ROBO1: variants seen among roughly 807,000 people sequenced by gnomAD.
ROBO1 encodes the protein roundabout homolog 1.
A neutral mutation model predicts 195.9 loss-of-function variants in ROBO1; 149 were observed. The ratio of observed to expected loss-of-function variants is 0.76; its 90% CI spans 0.67 to 0.87. The LOEUF is 0.87. Among genes scored for constraint, ROBO1 ranks in the 40% least tolerant of loss-of-function variants. The probability of loss-of-function intolerance (pLI) is 0.00; values close to 1 mark genes in which losing one functional copy is unlikely to be tolerated. For missense variants in ROBO1, 1,933 were observed against 2,068.3 expected (o/e 0.93, Z 1.27); for synonymous variants, 816 against 733.2 (o/e 1.11, Z -1.82).
chr3:79,272,075 T>G (rs779567010), intron 2 of ROBO1, among the ~76,000 whole-genome samples: 3 of 152,038 alleles, frequency 2.0e-5, no homozygotes, highest in Non-Finnish European at 4.4e-5. Flanking sequence ...CTAAATCTAT[T>G]TTTAAAAGGT....
In ROBO1 at chr3:78,651,873, A is replaced by C; in HGVS notation, c.2671T>G (p.Ser891Ala). 2 of 1,613,754 alleles carry C rather than the reference A, an allele frequency of 1.2e-6. 1 individual carries two copies. The highest frequency in any genetic ancestry group is 2.2e-5 in the South Asian group (2 of 91,080). Residue 891 changes from serine to alanine, a missense_variant, in exon 19 of 31, where the codon TCA (serine) becomes GCA (alanine). Around this residue, in one of 3 missense-constraint regions of ROBO1, gnomAD observed 1,737 missense variants for 1,882.5 expected, o/e 0.92. Coordinates refer to ENST00000464233, the MANE Select transcript of ROBO1 (RefSeq NM_002941.4). ...EDQVSLAQQISDVVKQPAFIA... is the reference protein window; with the variant it reads ...EDQVSLAQQIADVVKQPAFIA... Reference sequence around the variant, plus strand: ...AAGGCCGGCTGCTTCACCACATCTGAAATCTGCTGAGCGAGGCTGACTTGG... The same window carrying C: ...AAGGCCGGCTGCTTCACCACATCTGCAATCTGCTGAGCGAGGCTGACTTGG...
At position 79,716,114 on chromosome 3, in the gene ROBO1, C is replaced by T. The variant is rs139271856; in HGVS notation, c.-51+51638G>A. 2.4e-3 allele frequency among the ~76,000 whole-genome samples: 367 copies of T among 151,856 alleles called. 2 individuals carry two copies. Among genetic ancestry groups the T allele is most frequent in the African/African-American group, 8.3e-3 (345 of 41,444 alleles). ...TGGTGTAGAAAAGCTGTAATAAAAC[C>T]AATCAATTTTTTAAGTGGTAAACTT... On this transcript the variant is annotated intron_variant, in intron 1 of 30. Coordinates refer to ENST00000464233, the MANE Select transcript of ROBO1 (RefSeq NM_002941.4).
intron 4 of ROBO1, among the ~76,000 whole-genome samples, chr3:78,811,076 CTAAGTAT>C (rs1467966002): frequency 6.6e-6 from 1 of 151,984 alleles, no homozygotes; most frequent in Non-Finnish European, 1.5e-5. Context: ...ACTGGAAATA[CTAAGTAT>C]TCATTTTTAA....
At chr3:79,096,804 CT>C (rs1192435323) in intron 3 of ROBO1, among the ~76,000 whole-genome samples, 1 of 150,970 alleles carries the variant, frequency 6.6e-6, no homozygotes, top group African/African-American at 2.4e-5. Context: ...AGGGAGCTGT[CT>C]TACCCTGGAG....
intron 2 of ROBO1, among the ~76,000 whole-genome samples, chr3:79,302,527 A>T (rs1242467339): frequency 1.3e-5 from 2 of 152,212 alleles, no homozygotes; most frequent in African/African-American, 4.8e-5. Flanking sequence ...TAGCCCTTTC[A>T]ATCAAATTGT....
intron 1 of ROBO1, among the ~76,000 whole-genome samples, chr3:79,684,687 A>G (rs550018440): frequency 1.6e-3 from 243 of 151,894 alleles, no homozygotes; most frequent in African/African-American, 5.6e-3. Flanking sequence ...GATGGTGATG[A>G]TGATTTGAGA....
intron 3 of ROBO1, among the ~76,000 whole-genome samples, chr3:78,959,374 G>C (rs2041223052): frequency 6.6e-6 from 1 of 152,052 alleles, no homozygotes; most frequent in South Asian, 2.1e-4. Flanking sequence ...TGAAAATACA[G>C]AAATAAATCC....
chr3:79,221,235 A>G (rs2082132355), intron 2 of ROBO1, among the ~76,000 whole-genome samples: 1 of 152,242 alleles, frequency 6.6e-6, no homozygotes, highest in African/African-American at 2.4e-5. Context: ...AAAGTAATAC[A>G]TGGCTTCAAC....
intron 2 of ROBO1, among the ~76,000 whole-genome samples, chr3:79,451,138 A>T (rs2039430400): frequency 6.6e-6 from 1 of 152,002 alleles, no homozygotes; most frequent in African/African-American, 2.4e-5. Context: ...CATTTGAAAA[A>T]TTGTAAGATG....
At chr3:79,236,277 C>G (rs1324243361) in intron 2 of ROBO1, among the ~76,000 whole-genome samples, 1 of 152,160 alleles carries the variant, frequency 6.6e-6, no homozygotes, top group African/African-American at 2.4e-5. Flanking sequence ...CTTGCCCCCT[C>G]TACTTGCTCT....
chr3:79,531,207 T>C (rs1174095376), intron 2 of ROBO1, among the ~76,000 whole-genome samples: 1 of 152,176 alleles, frequency 6.6e-6, no homozygotes, highest in East Asian at 1.9e-4. Flanking sequence ...TATTTATATG[T>C]CCTAAATTCC....
intron 4 of ROBO1, among the ~76,000 whole-genome samples, chr3:78,912,429 C>G (rs905149817): frequency 6.6e-6 from 1 of 152,196 alleles, no homozygotes; most frequent in South Asian, 2.1e-4. Context: ...CTTCCATACA[C>G]AATACAAGGC....
At chr3:78,695,195 C>T (rs570029611) in intron 8 of ROBO1, among the ~76,000 whole-genome samples, 2 of 152,012 alleles carry the variant, frequency 1.3e-5, no homozygotes, top group South Asian at 4.2e-4. Flanking sequence ...GTGCAGCACA[C>T]CATCATGGCA....
At chr3:79,704,662 T>C (rs928089297) in intron 1 of ROBO1, among the ~76,000 whole-genome samples, 1 of 152,076 alleles carries the variant, frequency 6.6e-6, no homozygotes, top group African/African-American at 2.4e-5. Flanking sequence ...TGCAGAATTT[T>C]GCATGAAAAT....
At chr3:79,534,148 C>CAAAAAAAAAAAA (rs5850434) in intron 2 of ROBO1, among the ~76,000 whole-genome samples, 11 of 59,966 alleles carry the variant, frequency 1.8e-4, no homozygotes, top group African/African-American at 6.9e-4. Context: ...CTGGGGAAGG[C>CAAAAAAAAAAAA]AAAAAAAAAA....
At chr3:78,963,744 C>G (rs892785952) in intron 3 of ROBO1, among the ~76,000 whole-genome samples, 7 of 151,954 alleles carry the variant, frequency 4.6e-5, no homozygotes, top group African/African-American at 1.7e-4. Flanking sequence ...GTCTCGATCT[C>G]CTGACCTCGT....
chr3:79,732,403 A>G (rs1027590003), intron 1 of ROBO1, among the ~76,000 whole-genome samples: 11 of 152,140 alleles, frequency 7.2e-5, no homozygotes, highest in African/African-American at 2.7e-4. Context: ...TTGTTATTTT[A>G]TGATAAGGAA....
intron 1 of ROBO1, among the ~76,000 whole-genome samples, chr3:79,749,979 CT>C (rs1704056997): frequency 6.6e-6 from 1 of 152,204 alleles, no homozygotes; most frequent in Non-Finnish European, 1.5e-5. Flanking sequence ...CCACCAACAG[CT>C]TGTGCTGTTC....
chr3:79,574,620 G>A (rs906824011), intron 2 of ROBO1, among the ~76,000 whole-genome samples: 24 of 151,876 alleles, frequency 1.6e-4, no homozygotes, highest in Admixed American at 6.6e-4. Flanking sequence ...TAATCAGACT[G>A]CATATATACA....
Sources: gnomAD v4.1 joint callset for allele counts (sites outside exome capture counted in the v4.1 genomes callset) on GRCh38, gnomAD v4.1.1 for gene constraint, gnomAD v4.1.1 regional missense constraint, MANE v1.5 for transcripts, NCBI Gene and HGNC (gene_info 2026-07-23, HGNC 2026-07-21) for gene names.